UST: variants seen among roughly 807,000 people sequenced by gnomAD.
UST encodes the protein uronyl 2-sulfotransferase, also known as chondroitin sulfate 2-O-sulfotransferase.
In UST, 21 loss-of-function variants were observed where a neutral mutation model predicts 45.6. That is an observed-to-expected ratio of 0.46 (90% CI 0.33 to 0.66). The LOEUF (loss-of-function observed/expected upper bound fraction) is 0.66. Ranked by LOEUF, UST falls within the 30% of genes least tolerant of loss-of-function variation. The probability of loss-of-function intolerance (pLI) is 0.02; values close to 1 mark genes in which losing one functional copy is unlikely to be tolerated. For missense variants in UST, 463 were observed against 512.4 expected, an observed-to-expected ratio of 0.90 and a Z score of 0.93; for synonymous variants, 215 against 200.6, an observed-to-expected ratio of 1.07 and a Z score of -0.61.
intron 7 of UST, among the ~76,000 whole-genome samples, chr6:149,049,744 G>A (rs564890819): frequency 2.0e-4 from 30 of 152,162 alleles, no homozygotes; most frequent in African/African-American, 7.0e-4. Flanking sequence ...CATCATTCTC[G>A]AGGGGGCAGC....
At chr6:149,053,665 G>A (rs979208926) in intron 7 of UST, among the ~76,000 whole-genome samples, 16 of 152,222 alleles carry the variant, frequency 1.1e-4, no homozygotes, top group Admixed American at 2.0e-4. Flanking sequence ...CGATGGTGCT[G>A]TATGAAATTG....
At chr6:148,852,726 G>T (rs755095769) in intron 1 of UST, among the ~76,000 whole-genome samples, 1 of 152,038 alleles carries the variant, frequency 6.6e-6, no homozygotes, top group African/African-American at 2.4e-5. Flanking sequence ...TGAAGCTCAG[G>T]TAGCATCTTC....
At position 148,956,362 on chromosome 6, in the gene UST, T is replaced by A. The variant is rs1780503134; in HGVS notation, c.527+2411T>A. On this transcript the variant is annotated intron_variant, in intron 4 of 7. Coordinates refer to ENST00000367463, the MANE Select transcript of UST (RefSeq NM_005715.3). ...ATCATGGCAGGAGTCGAAAGGCACT[T>A]CTTACATGGTGGCGGCAAGAGAAAT... 3.1e-5 allele frequency among the ~76,000 whole-genome samples: 4 copies of A among 128,676 alleles called. No individual in the cohort carries two copies. The South Asian group carries it at 1.1e-3, about 36-fold the overall frequency. 84.4% of individuals were successfully genotyped at this position (128,676 alleles called of 152,430 possible). A position where few individuals can be genotyped will look rare whatever the true frequency, so the allele number is the denominator to read the frequency against.
At chr6:148,939,876 C>A (rs1780091044) in intron 2 of UST, among the ~76,000 whole-genome samples, 1 of 151,922 alleles carries the variant, frequency 6.6e-6, no homozygotes, top group African/African-American at 2.4e-5. Flanking sequence ...TGGACTCAGT[C>A]AAAATGAAAA....
chr6:148,959,785 G>A (rs1380158025), intron 4 of UST, among the ~76,000 whole-genome samples: 1 of 151,952 alleles, frequency 6.6e-6, no homozygotes, highest in Non-Finnish European at 1.5e-5. Flanking sequence ...TCCTGCCTTG[G>A]GACAGACCGG....
intron 5 of UST, among the ~76,000 whole-genome samples, chr6:148,979,202 G>A (rs1275741736): frequency 6.6e-6 from 1 of 152,172 alleles, no homozygotes; most frequent in Non-Finnish European, 1.5e-5. Flanking sequence ...TGGACTGGAT[G>A]TTGTCTTGTG....
At chr6:148,829,497 T>A (rs936084601) in intron 1 of UST, among the ~76,000 whole-genome samples, 11 of 152,132 alleles carry the variant, frequency 7.2e-5, no homozygotes, top group African/African-American at 2.7e-4. Flanking sequence ...GAATTAAGTG[T>A]TCTCTGTGCT....
rs975160272 is a variant in UST, at chr6:148,934,319, A to C, written c.292-6960A>C. ...CCTGGCTGTGACTCTTTCAAGTGTT[A>C]GTTTGATTAACCATGAAATGGAGTT... On this transcript the variant is annotated intron_variant, in intron 2 of 7. Transcript: ENST00000367463. This position sits in a 1 kb window ranked among gnomAD's most constrained non-coding sequence, Gnocchi z 4.1. Among the ~76,000 whole-genome samples, 2 of 152,178 alleles carry C rather than the reference A, an allele frequency of 1.3e-5. No individual in the cohort carries two copies. The highest frequency in any genetic ancestry group is 4.8e-5 in the African/African-American group (2 of 41,444).
intron 1 of UST, among the ~76,000 whole-genome samples, chr6:148,862,192 G>A (rs1778331239): frequency 2.0e-5 from 3 of 152,196 alleles, no homozygotes; most frequent in Admixed American, 2.0e-4. Context: ...TGTATTGGGT[G>A]CATATATATT....
At chr6:148,809,111 C>G (rs1013317465) in intron 1 of UST, among the ~76,000 whole-genome samples, 2 of 152,258 alleles carry the variant, frequency 1.3e-5, no homozygotes, top group African/African-American at 4.8e-5. Flanking sequence ...TGTCAGGAAA[C>G]TCCTGTCACC....
intron 5 of UST, 26 bp downstream of exon 5, chr6:148,964,589 G>A (rs371152967): frequency 1.8e-5 from 29 of 1,610,932 alleles, no homozygotes; most frequent in Middle Eastern, 2.1e-4. Flanking sequence ...TGCAAAAGGC[G>A]GTCTCCCCAC....
At chr6:148,953,581 G>T (rs192478643) in intron 3 of UST, among the ~76,000 whole-genome samples, 1 of 152,030 alleles carries the variant, frequency 6.6e-6, no homozygotes, top group African/African-American at 2.4e-5. Flanking sequence ...AGAAGTTCGA[G>T]ACCACGGTGA....
At chr6:148,957,971 C>T (rs1322973811) in intron 4 of UST, among the ~76,000 whole-genome samples, 1 of 152,180 alleles carries the variant, frequency 6.6e-6, no homozygotes, top group Non-Finnish European at 1.5e-5. Flanking sequence ...GGCAAGCAGA[C>T]TGTAAGGATG....
At chr6:149,019,044 T>C (rs1020369803) in intron 5 of UST, 95 bp from the exon 6 acceptor site, 4 of 961,734 alleles carry the variant, frequency 4.2e-6, no homozygotes, top group African/African-American at 1.6e-5. Flanking sequence ...GGCGTGCCTG[T>C]GTAATTCAAT....
intron 2 of UST, among the ~76,000 whole-genome samples, chr6:148,894,816 T>TC (rs1179543973): frequency 1.2e-4 from 12 of 101,888 alleles, no homozygotes; most frequent in African/African-American, 3.3e-4. Context: ...TTTCAGTGCT[T>TC]TTTTTTTTTT....
At chr6:148,877,249 G>T (rs149933426) in intron 1 of UST, among the ~76,000 whole-genome samples, 2 of 22,510 alleles carry the variant, frequency 8.9e-5, no homozygotes, top group South Asian at 3.0e-3. Flanking sequence ...GGGGTCGTGT[G>T]TGGGTGCGGG....
intron 1 of UST, among the ~76,000 whole-genome samples, chr6:148,854,955 C>G (rs1778174324): frequency 6.6e-6 from 1 of 151,986 alleles, no homozygotes; most frequent in South Asian, 2.1e-4. Context: ...GTTTAATGGA[C>G]GTCGGGTTCC....
At chr6:148,957,390 C>T (rs372375484) in intron 4 of UST, among the ~76,000 whole-genome samples, 2 of 152,268 alleles carry the variant, frequency 1.3e-5, no homozygotes, top group East Asian at 3.9e-4. Flanking sequence ...ATTTCTCTGT[C>T]AATATGCAAT....
intron 5 of UST, among the ~76,000 whole-genome samples, chr6:148,993,680 G>A (rs529358910): frequency 2.0e-5 from 3 of 152,260 alleles, no homozygotes; most frequent in East Asian, 3.9e-4. Flanking sequence ...GTTTAGCAGC[G>A]ACTCCTTGGT....
Sources: gnomAD v4.1 joint callset for allele counts (sites outside exome capture counted in the v4.1 genomes callset) on GRCh38, gnomAD v4.1.1 for gene constraint, Gnocchi (gnomAD v3.1) non-coding constraint, MANE v1.5 for transcripts, NCBI Gene and HGNC (gene_info 2026-07-23, HGNC 2026-07-21) for gene names.